Variants in HS3ST4 observed in about 807,000 individuals in gnomAD.
HS3ST4 encodes heparan sulfate-glucosamine 3-sulfotransferase 4.
HS3ST4 carries 17 observed loss-of-function variants against 29.2 expected under a neutral mutation model. The ratio of observed to expected loss-of-function variants is 0.58; its 90% CI spans 0.40 to 0.87. HS3ST4 has a LOEUF of 0.87. HS3ST4 is among the 40% of genes least tolerant of loss of function. The pLI, the probability that HS3ST4 is intolerant of heterozygous loss-of-function variation, is 0.00. For missense variants in HS3ST4, 627 were observed against 634.5 expected (o/e 0.99, Z 0.13); for synonymous variants, 314 against 285.7 (o/e 1.10, Z -1.00).
rs1165342593 is a variant in HS3ST4, at chr16:25,802,992, C to T, written c.734+109841C>T. Among the ~76,000 whole-genome samples, 4 of 150,266 alleles carry T rather than the reference C, an allele frequency of 2.7e-5. No homozygotes were observed. The East Asian group carries it at 5.9e-4, about 22-fold the overall frequency. ...ATATTTCTTTCTCTGTTTCTTTTCT[C>T]ATATATATAGTTTTATATACATATA... is the stretch of plus-strand genomic sequence containing the variant. On this transcript the variant is annotated intron_variant, in intron 1 of 1. Coordinates refer to ENST00000331351, the MANE Select transcript of HS3ST4 (RefSeq NM_006040.3).
At chr16:26,019,686 A>G (rs1444027029) in intron 1 of HS3ST4, among the ~76,000 whole-genome samples, 1 of 152,094 alleles carries the variant, frequency 6.6e-6, no homozygotes, top group Non-Finnish European at 1.5e-5. Flanking sequence ...GATCTGCACA[A>G]CGTTGCCTCT....
chr16:25,845,561 G>C (rs148741303), intron 1 of HS3ST4, among the ~76,000 whole-genome samples: 69 of 151,976 alleles, frequency 4.5e-4, no homozygotes, highest in African/African-American at 1.5e-3. Context: ...CTGGGTCAAA[G>C]AGAAGACCCA....
intron 1 of HS3ST4, among the ~76,000 whole-genome samples, chr16:26,101,665 G>T (rs1003022647): frequency 6.6e-6 from 1 of 152,090 alleles, no homozygotes; most frequent in Admixed American, 6.6e-5. Flanking sequence ...GGGTATAAAA[G>T]TTCCTTAATC....
intron 1 of HS3ST4, among the ~76,000 whole-genome samples, chr16:25,839,713 AT>A (rs140025133): frequency 0.023 from 3,576 of 152,236 alleles, 130 homozygotes; most frequent in African/African-American, 0.081. Context: ...TCTATGATAA[AT>A]TTTTAGCATG....
chr16:25,923,448 A>G (rs1305590807), intron 1 of HS3ST4, among the ~76,000 whole-genome samples: 1 of 152,180 alleles, frequency 6.6e-6, no homozygotes, highest in African/African-American at 2.4e-5. Context: ...AGGAAATTCT[A>G]TTGCCTGACA....
At chr16:25,881,427 T>G (rs1440665523) in intron 1 of HS3ST4, among the ~76,000 whole-genome samples, 1 of 152,116 alleles carries the variant, frequency 6.6e-6, no homozygotes, top group Non-Finnish European at 1.5e-5. Flanking sequence ...CATGTAAAAT[T>G]AAGATGAAAC....
At chr16:25,864,992 TCA>T (rs887032330) in intron 1 of HS3ST4, among the ~76,000 whole-genome samples, 8 of 135,080 alleles carry the variant, frequency 5.9e-5, no homozygotes, top group African/African-American at 1.8e-4. Context: ...ACATACACAC[TCA>T]CACACACAAA....
chr16:25,957,371 T>C (rs1158487635), intron 1 of HS3ST4, among the ~76,000 whole-genome samples: 1 of 152,192 alleles, frequency 6.6e-6, no homozygotes, highest in Non-Finnish European at 1.5e-5. Context: ...AATTAAATTT[T>C]ATCTGCAGCA....
chr16:25,788,574 T>A (rs1253972573), intron 1 of HS3ST4, among the ~76,000 whole-genome samples: 1 of 123,232 alleles, frequency 8.1e-6, no homozygotes, highest in Non-Finnish European at 1.6e-5. Flanking sequence ...AGGGTCTTGG[T>A]CTGTTGCCCG....
intron 1 of HS3ST4, among the ~76,000 whole-genome samples, chr16:25,699,858 C>T (rs532723563): frequency 9.9e-5 from 15 of 152,268 alleles, no homozygotes; most frequent in African/African-American, 3.4e-4. Context: ...CAAAGGATTA[C>T]GTGAGGATGA....
chr16:26,017,034 A>T (rs1256629019), intron 1 of HS3ST4, among the ~76,000 whole-genome samples: 1 of 152,200 alleles, frequency 6.6e-6, no homozygotes, highest in South Asian at 2.1e-4. Flanking sequence ...TCCTCAAGGG[A>T]CTATACACAG....
chr16:26,121,107 T>G (rs1175872362), intron 1 of HS3ST4, among the ~76,000 whole-genome samples: 1 of 152,152 alleles, frequency 6.6e-6, no homozygotes, highest in Admixed American at 6.5e-5. Flanking sequence ...TTGTATATGG[T>G]GAAGAAACTC....
intron 1 of HS3ST4, among the ~76,000 whole-genome samples, chr16:26,135,353 T>C (rs1031958935): frequency 1.3e-5 from 2 of 152,126 alleles, no homozygotes; most frequent in African/African-American, 4.8e-5. Context: ...TAAACATAAC[T>C]GGTAAGAGGT....
intron 1 of HS3ST4, among the ~76,000 whole-genome samples, chr16:25,872,368 G>A (rs1055786449): frequency 6.6e-6 from 1 of 152,098 alleles, no homozygotes; most frequent in Admixed American, 6.5e-5. Flanking sequence ...CCTGAACTTC[G>A]TGGCTTATAA....
chr16:25,989,611 C>T (rs978509158), intron 1 of HS3ST4, among the ~76,000 whole-genome samples: 8 of 152,282 alleles, frequency 5.3e-5, no homozygotes, highest in African/African-American at 1.4e-4. Context: ...ACATAAGTTT[C>T]GTATGTTTGC....
intron 1 of HS3ST4, among the ~76,000 whole-genome samples, chr16:26,128,388 C>T: frequency 6.6e-6 from 1 of 152,196 alleles, no homozygotes; most frequent in East Asian, 1.9e-4. Context: ...CCTCTTGTTG[C>T]AAAGCAATTT....
At chr16:25,861,687 C>T (rs1201585769) in intron 1 of HS3ST4, among the ~76,000 whole-genome samples, 2 of 152,102 alleles carry the variant, frequency 1.3e-5, no homozygotes, top group African/African-American at 4.8e-5. Flanking sequence ...CAATCAAGAC[C>T]ACAGTTCCTT....
chr16:26,010,495 G>GT (rs1344223377), intron 1 of HS3ST4, among the ~76,000 whole-genome samples: 1 of 151,944 alleles, frequency 6.6e-6, no homozygotes, highest in African/African-American at 2.4e-5. Context: ...AAATGAAAAT[G>GT]TAATTTTTAA....
chr16:25,728,171 T>G (rs576326670), intron 1 of HS3ST4, among the ~76,000 whole-genome samples: 2 of 152,234 alleles, frequency 1.3e-5, no homozygotes, highest in South Asian at 4.1e-4. Context: ...CCAGCCAATT[T>G]TTGTATTTTT....
Sources: allele counts gnomAD v4.1 joint callset (sites outside exome capture counted in the v4.1 genomes callset), GRCh38; gene constraint gnomAD v4.1.1; transcripts MANE v1.5; gene names NCBI Gene and HGNC (gene_info 2026-07-23, HGNC 2026-07-21).